SCAI: variants seen among roughly 807,000 people sequenced by gnomAD.
SCAI encodes the protein suppressor of cancer cell invasion, also known as protein SCAI.
In SCAI, 24 loss-of-function variants were observed where a neutral mutation model predicts 92.2. The observed-to-expected ratio is 0.26, with a 90% CI of 0.19 to 0.37. SCAI has a LOEUF of 0.37. SCAI is among the 10% of genes least tolerant of loss of function. The pLI is 1.00. For missense variants in SCAI, 450 were observed against 736.2 expected, an observed-to-expected ratio of 0.61 and a Z score of 4.50; for synonymous variants, 261 against 258.6, an observed-to-expected ratio of 1.01 and a Z score of -0.09.
At chr9:124,970,586 G>C (rs1002473276) in intron 17 of SCAI, among the ~76,000 whole-genome samples, 3 of 151,848 alleles carry the variant, frequency 2.0e-5, no homozygotes, top group Admixed American at 2.0e-4. Context: ...CAGGTGTGGT[G>C]GTGGGCGCCT....
chr9:125,073,771 AAAAAT>A (rs1834029920), intron 2 of SCAI, among the ~76,000 whole-genome samples: 1 of 152,190 alleles, frequency 6.6e-6, no homozygotes, highest in Admixed American at 6.5e-5. Flanking sequence ...AAACAAAAAT[AAAAAT>A]AAAATAAATG....
intron 2 of SCAI, among the ~76,000 whole-genome samples, chr9:125,108,132 T>C (rs898237896): frequency 1.3e-5 from 2 of 152,282 alleles, no homozygotes; most frequent in African/African-American, 4.8e-5. Flanking sequence ...ATTCACTCAG[T>C]GCTCAATGTT....
At chr9:125,058,052 T>C (rs1006469736) in intron 2 of SCAI, among the ~76,000 whole-genome samples, 2 of 151,300 alleles carry the variant, frequency 1.3e-5, no homozygotes, top group East Asian at 3.9e-4. Context: ...AGAGCTATGA[T>C]CCCTCCACTG....
At chr9:125,078,295 G>A (rs1382724497) in intron 2 of SCAI, among the ~76,000 whole-genome samples, 1 of 152,156 alleles carries the variant, frequency 6.6e-6, no homozygotes, top group Non-Finnish European at 1.5e-5. Flanking sequence ...GGAAGGCCGA[G>A]GTAAGCGGAT....
intron 11 of SCAI, among the ~76,000 whole-genome samples, 172 bp downstream of exon 11, chr9:125,002,942 A>G (rs929997546): frequency 1.3e-5 from 2 of 151,912 alleles, no homozygotes; most frequent in Non-Finnish European, 2.9e-5. Context: ...CAAAAAAAAA[A>G]AAAGAAACAA....
At chr9:125,040,496 G>A (rs1011572433) in intron 3 of SCAI, among the ~76,000 whole-genome samples, 1 of 152,010 alleles carries the variant, frequency 6.6e-6, no homozygotes. Context: ...AGAATATATC[G>A]GGTTTCTTTA....
At chr9:125,002,969 C>G in intron 11 of SCAI, 145 bp downstream of exon 11, 1 of 519,010 alleles carries the variant, frequency 1.9e-6, no homozygotes, top group Non-Finnish European at 3.4e-6. Flanking sequence ...ACAAAAATAT[C>G]TATTATCAGG....
chr9:125,004,794 T>A (rs1237341026), intron 9 of SCAI, among the ~76,000 whole-genome samples: 1 of 89,172 alleles, frequency 1.1e-5, no homozygotes, highest in African/African-American at 4.3e-5. Flanking sequence ...TTTTTTTTTT[T>A]TTTTTTTTTT....
At chr9:125,092,947 G>C (rs1396075413) in intron 2 of SCAI, among the ~76,000 whole-genome samples, 1 of 152,172 alleles carries the variant, frequency 6.6e-6, no homozygotes, top group African/African-American at 2.4e-5. Context: ...CACTACCAAT[G>C]AGTTCCATAC....
rs561977165 is a variant in SCAI, at chr9:125,128,649, A to T, written c.98+13984T>A. 2.0e-5 allele frequency among the ~76,000 whole-genome samples: 3 copies of T among 151,920 alleles called. 1 individual carries two copies. In the South Asian group the frequency reaches 6.2e-4, roughly 32 times the overall value. ...GTGCCTGTGGTCCCAGCTGCTTGGGAGGCTGAGGCAGGAGAATAGCATGAA... is the reference window on the plus strand; with the variant it reads ...GTGCCTGTGGTCCCAGCTGCTTGGGTGGCTGAGGCAGGAGAATAGCATGAA... On this transcript the variant is annotated intron_variant, in intron 2 of 17. Coordinates refer to ENST00000336505, the MANE Select transcript of SCAI (RefSeq NM_001144877.3).
chr9:125,106,446 G>A (rs566473563), intron 2 of SCAI, among the ~76,000 whole-genome samples: 2 of 151,652 alleles, frequency 1.3e-5, no homozygotes, highest in South Asian at 2.1e-4. Flanking sequence ...CATGTAAACT[G>A]CTGCTAGGTA....
chr9:125,003,358 T>A, intron 10 of SCAI, 111 bp downstream of exon 10: 1 of 997,794 alleles, frequency 1.0e-6, no homozygotes, highest in Non-Finnish European at 1.6e-6. Flanking sequence ...CCATGTCTCA[T>A]CAAGTGAATT....
intron 2 of SCAI, among the ~76,000 whole-genome samples, chr9:125,063,109 C>CA (rs199716346): frequency 4.0e-5 from 6 of 149,806 alleles, no homozygotes; most frequent in African/African-American, 9.8e-5. Flanking sequence ...CCCACCCCCC[C>CA]CAGAAAAGGG....
intron 3 of SCAI, among the ~76,000 whole-genome samples, chr9:125,046,624 C>T (rs962759091): frequency 6.7e-6 from 1 of 148,864 alleles, no homozygotes; most frequent in African/African-American, 2.5e-5. Flanking sequence ...GTGATGGGTG[C>T]ATCAAAATCT....
intron 14 of SCAI, among the ~76,000 whole-genome samples, chr9:124,990,666 G>A (rs186279152): frequency 5.3e-5 from 8 of 152,026 alleles, no homozygotes; most frequent in Non-Finnish European, 7.4e-5. Flanking sequence ...ATCAATGCCA[G>A]TATATTATTT....
At chr9:125,123,788 C>A (rs1835207674) in intron 2 of SCAI, among the ~76,000 whole-genome samples, 2 of 152,210 alleles carry the variant, frequency 1.3e-5, no homozygotes, top group African/African-American at 4.8e-5. Flanking sequence ...AACAAAGAAA[C>A]AAACAAACAA....
At chr9:124,996,624 TA>T (rs1043458057) in intron 13 of SCAI, among the ~76,000 whole-genome samples, 54 of 151,412 alleles carry the variant, frequency 3.6e-4, no homozygotes, top group African/African-American at 1.2e-3. Flanking sequence ...TATTTTCATT[TA>T]TTTTTTTTTA....
chr9:124,983,414 C>T lies in SCAI; in HGVS notation c.1327-7228G>A, dbSNP rs559923037. On this transcript the variant is annotated intron_variant, in intron 14 of 17. Coordinates refer to ENST00000336505, the MANE Select transcript of SCAI (RefSeq NM_001144877.3). ...TGTTGCCCAGGCTGGAGTGCAGTGGCGATCTCAGCTCACTGCAACCACCAC... is the reference window on the plus strand; with the variant it reads ...TGTTGCCCAGGCTGGAGTGCAGTGGTGATCTCAGCTCACTGCAACCACCAC... Among the ~76,000 whole-genome samples the T allele has an allele frequency of 6.6e-5, 10 of 152,170 alleles. No individual in the cohort carries two copies. In the East Asian group the frequency reaches 9.6e-4, roughly 15 times the overall value.
intron 4 of SCAI, among the ~76,000 whole-genome samples, chr9:125,028,860 T>C (rs1450088241): frequency 2.6e-5 from 4 of 152,084 alleles, no homozygotes; most frequent in Admixed American, 6.6e-5. Flanking sequence ...TACAGTGGCA[T>C]GATCTGGGCT....
Sources: gnomAD v4.1 joint callset for allele counts (sites outside exome capture counted in the v4.1 genomes callset) on GRCh38, gnomAD v4.1.1 for gene constraint, MANE v1.5 for transcripts, NCBI Gene and HGNC (gene_info 2026-07-23, HGNC 2026-07-21) for gene names.